The following SLC2A13 variants were observed in gnomAD, a reference collection of about 807,000 sequenced individuals.
The protein encoded by SLC2A13 is proton myo-inositol cotransporter.
Under a neutral mutation model 64.4 loss-of-function variants are expected in SLC2A13, and 32 were observed. The ratio of observed to expected loss-of-function variants is 0.50; its 90% CI spans 0.37 to 0.67. The LOEUF (loss-of-function observed/expected upper bound fraction) is 0.67, where lower values mean the gene tolerates loss of function less well. Among genes scored for constraint, SLC2A13 ranks in the 30% least tolerant of loss-of-function variants. SLC2A13 has a pLI of 0.00. For missense variants in SLC2A13, 743 were observed against 829.2 expected (o/e 0.90, Z 1.28); for synonymous variants, 338 against 327.1 (o/e 1.03, Z -0.36).
intron 3 of SLC2A13, among the ~76,000 whole-genome samples, chr12:39,971,490 C>A (rs1298027827): frequency 6.6e-6 from 1 of 152,138 alleles, no homozygotes; most frequent in East Asian, 1.9e-4. Flanking sequence ...TAACCTGTTT[C>A]CATCATTTCA....
chr12:40,075,769 G>A (rs929345187), intron 1 of SLC2A13, among the ~76,000 whole-genome samples: 1 of 152,088 alleles, frequency 6.6e-6, no homozygotes, highest in African/African-American at 2.4e-5. Flanking sequence ...AAGTCCTTAA[G>A]AGTTGGTTCA....
At position 39,944,561 on chromosome 12, in the gene SLC2A13, T is replaced by C. The variant is rs111566115; in HGVS notation, c.1034+6696A>G. Among the ~76,000 whole-genome samples, 14 of 152,376 alleles carry C rather than the reference T, an allele frequency of 9.2e-5. 1 individual carries two copies. Among genetic ancestry groups the C allele is most frequent in the African/African-American group, 3.1e-4 (13 of 41,594 alleles). ...GCACATGTTTAGGATTGTGATATTT[T>C]ACTGTTGGACAAGGCCTTTTACCAT... is the stretch of plus-strand genomic sequence containing the variant. On this transcript the variant is annotated intron_variant, in intron 4 of 9. Transcript: ENST00000280871.
intron 3 of SLC2A13, among the ~76,000 whole-genome samples, chr12:39,972,018 T>TATATATA (rs1474580303): frequency 7.2e-5 from 3 of 41,698 alleles, no homozygotes; most frequent in Admixed American, 5.8e-4. Context: ...ATATATATTT[T>TATATATA]TTTTTATATA....
At chr12:39,985,752 A>C (rs541690150) in intron 3 of SLC2A13, among the ~76,000 whole-genome samples, 2 of 152,290 alleles carry the variant, frequency 1.3e-5, no homozygotes, top group South Asian at 2.1e-4. Context: ...AGGCAGCTTA[A>C]TCAACAAAAA....
intron 2 of SLC2A13, among the ~76,000 whole-genome samples, chr12:40,038,462 C>T (rs1414939491): frequency 6.6e-6 from 1 of 152,010 alleles, no homozygotes; most frequent in Non-Finnish European, 1.5e-5. Context: ...TTCATAAGGC[C>T]AGGCATGGTG....
intron 9 of SLC2A13, 128 bp downstream of exon 9, chr12:39,764,332 A>G: frequency 1.2e-6 from 1 of 801,872 alleles, no homozygotes; most frequent in Non-Finnish European, 1.8e-6. Context: ...AGGACAAGAA[A>G]GCCACATGGA....
intron 4 of SLC2A13, among the ~76,000 whole-genome samples, chr12:39,915,221 TAGA>T (rs889119940): frequency 6.6e-6 from 1 of 151,994 alleles, no homozygotes; most frequent in African/African-American, 2.4e-5. Context: ...AATAAGCATT[TAGA>T]AGAAGATATA....
At chr12:39,938,951 A>C (rs1270397745) in intron 4 of SLC2A13, among the ~76,000 whole-genome samples, 1 of 152,132 alleles carries the variant, frequency 6.6e-6, no homozygotes, top group Admixed American at 6.6e-5. Flanking sequence ...TGGCACCATA[A>C]GTGATTTCTC....
At chr12:39,924,749 C>A (rs1297045271) in intron 4 of SLC2A13, among the ~76,000 whole-genome samples, 1 of 151,910 alleles carries the variant, frequency 6.6e-6, no homozygotes, top group Non-Finnish European at 1.5e-5. Context: ...GGTGAAAATA[C>A]TAGAGAAAAA....
chr12:39,905,076 C>A (rs1240976316), intron 4 of SLC2A13, among the ~76,000 whole-genome samples: 2 of 152,068 alleles, frequency 1.3e-5, no homozygotes, highest in Non-Finnish European at 2.9e-5. Flanking sequence ...CACAAATATG[C>A]CCACAGAATG....
intron 4 of SLC2A13, among the ~76,000 whole-genome samples, chr12:39,896,510 A>G (rs912010584): frequency 2.1e-5 from 3 of 144,442 alleles, no homozygotes; most frequent in Admixed American, 7.2e-5. Flanking sequence ...ATGTATGTAC[A>G]TGTGTGTATA....
intron 2 of SLC2A13, among the ~76,000 whole-genome samples, chr12:40,039,240 TTA>T (rs1948041069): frequency 1.3e-5 from 2 of 152,230 alleles, no homozygotes; most frequent in Admixed American, 6.5e-5. Context: ...TGTGTGACTA[TTA>T]ATATAGCCAC....
intron 7 of SLC2A13, among the ~76,000 whole-genome samples, chr12:39,790,207 T>C (rs1249405713): frequency 2.0e-5 from 1 of 50,354 alleles, no homozygotes; most frequent in Non-Finnish European, 4.3e-5. Flanking sequence ...TGTACAGTGT[T>C]TTTTTTTTCT....
intron 7 of SLC2A13, among the ~76,000 whole-genome samples, chr12:39,781,697 T>A (rs747108902): frequency 6.6e-6 from 1 of 152,222 alleles, no homozygotes; most frequent in Non-Finnish European, 1.5e-5. Context: ...AACAGCATAG[T>A]TATTTTCCAA....
chr12:40,029,702 T>C (rs1250288461), intron 2 of SLC2A13, among the ~76,000 whole-genome samples: 1 of 152,200 alleles, frequency 6.6e-6, no homozygotes, highest in Non-Finnish European at 1.5e-5. Flanking sequence ...TACCTCCTAC[T>C]ACAAATTACA....
intron 1 of SLC2A13, among the ~76,000 whole-genome samples, chr12:40,097,727 C>T (rs905103488): frequency 1.3e-5 from 2 of 152,108 alleles, no homozygotes; most frequent in Non-Finnish European, 2.9e-5. Context: ...AAGAAAACAA[C>T]AAATATTGGT....
Position 39,951,323 on chromosome 12 carries a change from C to G in SLC2A13, c.968G>C (p.Arg323Pro), listed in dbSNP as rs531725171. The change falls in exon 4 of 10, where the codon CGC (arginine) becomes CCC (proline). Residue 323 changes from arginine to proline, a missense_variant. By Grantham distance (103) the Arg-to-Pro change is moderately radical (BLOSUM62 -2). Coordinates refer to ENST00000280871, the MANE Select transcript of SLC2A13 (RefSeq NM_052885.4). Reference protein sequence around the residue: ...ICRMLSYPPTRRALIVGCGLQ... With the variant: ...ICRMLSYPPTPRALIVGCGLQ... ...GCCACAACCCACAATTAAAGCTCGGCGAGTTGGGGGATAACTCAGCATTCT... is the reference window on the plus strand; with the variant it reads ...GCCACAACCCACAATTAAAGCTCGGGGAGTTGGGGGATAACTCAGCATTCT... 6.2e-7 allele frequency: 1 copy of G among 1,609,760 alleles called. No individual in the cohort carries two copies. The highest frequency in any genetic ancestry group is 1.3e-5 in the African/African-American group (1 of 74,686).
intron 3 of SLC2A13, among the ~76,000 whole-genome samples, chr12:39,980,543 A>T (rs1239461043): frequency 1.3e-5 from 2 of 151,868 alleles, no homozygotes; most frequent in Admixed American, 1.3e-4. Flanking sequence ...GATAAAGCAG[A>T]CTTTAAACCA....
At chr12:39,958,326 T>C (rs560375081) in intron 3 of SLC2A13, among the ~76,000 whole-genome samples, 83 of 152,346 alleles carry the variant, frequency 5.4e-4, no homozygotes, top group African/African-American at 1.8e-3. Flanking sequence ...CTGTGGAAAG[T>C]GTTCACACAG....
Sources: gnomAD v4.1 joint callset for allele counts (sites outside exome capture counted in the v4.1 genomes callset) on GRCh38, gnomAD v4.1.1 for gene constraint, MANE v1.5 for transcripts, NCBI Gene and HGNC (gene_info 2026-07-23, HGNC 2026-07-21) for gene names.